PPP2R5E: variants seen among roughly 807,000 people sequenced by gnomAD.
PPP2R5E encodes serine/threonine-protein phosphatase 2A 56 kDa regulatory subunit epsilon isoform.
Under a neutral mutation model 65.3 loss-of-function variants are expected in PPP2R5E, and 4 were observed. The ratio of observed to expected loss-of-function variants is 0.06; its 90% CI spans 0.03 to 0.14. The LOEUF (loss-of-function observed/expected upper bound fraction) is 0.14. Among genes scored for constraint, PPP2R5E ranks in the 10% least tolerant of loss-of-function variants. The pLI, the probability that PPP2R5E is intolerant of heterozygous loss-of-function variation, is 1.00. For missense variants in PPP2R5E, 274 were observed against 556.1 expected (o/e 0.49, Z 5.10); for synonymous variants, 183 against 187.4 (o/e 0.98, Z 0.19).
intron 2 of PPP2R5E, among the ~76,000 whole-genome samples, chr14:63,496,568 A>G (rs181826553): frequency 3.7e-4 from 56 of 152,242 alleles, no homozygotes; most frequent in African/African-American, 1.3e-3. Context: ...CTAAGAACAT[A>G]TACAGAGGGA....
At chr14:63,425,000 C>T (rs987874241) in intron 3 of PPP2R5E, among the ~76,000 whole-genome samples, 6 of 152,216 alleles carry the variant, frequency 3.9e-5, no homozygotes, top group South Asian at 4.2e-4. Flanking sequence ...TACACTATTA[C>T]GATCCCTGAT....
intron 2 of PPP2R5E, among the ~76,000 whole-genome samples, chr14:63,490,878 A>G (rs1036856542): frequency 6.6e-6 from 1 of 152,122 alleles, no homozygotes; most frequent in African/African-American, 2.4e-5. Flanking sequence ...CAATTCCATT[A>G]CCGGATATAT....
chr14:63,506,925 A>C (rs1457340063), intron 2 of PPP2R5E, among the ~76,000 whole-genome samples: 1 of 152,266 alleles, frequency 6.6e-6, no homozygotes, highest in African/African-American at 2.4e-5. Context: ...TGGATTTTTA[A>C]AATGTGGCAC....
chr14:63,379,826 C>CTCTCTCTCTTTTTTTTT (rs528081976), intron 13 of PPP2R5E, among the ~76,000 whole-genome samples: 2 of 100,300 alleles, frequency 2.0e-5, no homozygotes, highest in South Asian at 3.0e-4. Flanking sequence ...TATTCTCTCT[C>CTCTCTCTCTTTTTTTTT]TTTTTTTTTT....
rs1386431774 is a variant in PPP2R5E at position 63,372,848 on chromosome 14, G to C, written c.*3161C>G. 1 of 152,130 alleles carries C rather than the reference G, an allele frequency of 6.6e-6. No individual in the cohort carries two copies. Among genetic ancestry groups the C allele is most frequent in the East Asian group, 1.9e-4 (1 of 5,198 alleles). 9.4% of individuals were successfully genotyped at this position (152,130 alleles called of 1,614,324 possible). On this transcript the variant is annotated 3_prime_UTR_variant, in exon 14 of 14. Coordinates refer to ENST00000337537, the MANE Select transcript of PPP2R5E (RefSeq NM_006246.5). Reference sequence around the variant, plus strand: ...AAATAAATTAAACCCTTTCATTTAGGCAAACAAGCCCAAGATGAAGGAGCA... The same window carrying C: ...AAATAAATTAAACCCTTTCATTTAGCCAAACAAGCCCAAGATGAAGGAGCA...
At chr14:63,430,393 A>ACATGCATACATACATACATACATG (rs1333941542) in intron 3 of PPP2R5E, among the ~76,000 whole-genome samples, 16 of 139,028 alleles carry the variant, frequency 1.2e-4, no homozygotes, top group African/African-American at 4.4e-4. Flanking sequence ...ATACATACAT[A>ACATGCATACATACATACATACATG]CATACATGCA....
chr14:63,379,177 C>T (rs1399200093), intron 13 of PPP2R5E, among the ~76,000 whole-genome samples: 4 of 151,854 alleles, frequency 2.6e-5, no homozygotes, highest in Admixed American at 6.6e-5. Flanking sequence ...TACAGGCACC[C>T]GCCACCACGC....
At chr14:63,474,112 C>A (rs537616277) in intron 2 of PPP2R5E, among the ~76,000 whole-genome samples, 3 of 152,242 alleles carry the variant, frequency 2.0e-5, no homozygotes, top group Admixed American at 2.0e-4. Context: ...ACATAGGAGG[C>A]AACTGTTACA....
intron 5 of PPP2R5E, among the ~76,000 whole-genome samples, chr14:63,400,234 T>A (rs1040612492): frequency 6.6e-6 from 1 of 152,230 alleles, no homozygotes; most frequent in Non-Finnish European, 1.5e-5. Flanking sequence ...ATACAGTCTT[T>A]GCTTTCTCAG....
chr14:63,536,610 G>A (rs1893674656), intron 2 of PPP2R5E, among the ~76,000 whole-genome samples: 1 of 152,132 alleles, frequency 6.6e-6, no homozygotes, highest in Non-Finnish European at 1.5e-5. Flanking sequence ...GCCTGAAGGT[G>A]GAAGCAACCC....
chr14:63,414,355 T>A (rs1009667622), intron 5 of PPP2R5E, among the ~76,000 whole-genome samples: 2 of 152,170 alleles, frequency 1.3e-5, no homozygotes, highest in Admixed American at 6.5e-5. Flanking sequence ...GTTTTAAATT[T>A]GAAATTCTTC....
At chr14:63,474,225 G>C (rs1163022851) in intron 2 of PPP2R5E, among the ~76,000 whole-genome samples, 1 of 152,154 alleles carries the variant, frequency 6.6e-6, no homozygotes, top group Non-Finnish European at 1.5e-5. Context: ...ACTACTCTGG[G>C]GGGAGAATAC....
intron 3 of PPP2R5E, among the ~76,000 whole-genome samples, chr14:63,427,849 T>G (rs1214286051): frequency 6.6e-6 from 1 of 152,174 alleles, no homozygotes; most frequent in Non-Finnish European, 1.5e-5. Flanking sequence ...GCAAAGAGCT[T>G]GCAAGTTTTT....
chr14:63,493,478 G>GCA (rs1385213444), intron 2 of PPP2R5E, among the ~76,000 whole-genome samples: 1 of 134,540 alleles, frequency 7.4e-6, no homozygotes, highest in African/African-American at 3.1e-5. Flanking sequence ...AAATTACCGC[G>GCA]CGCGCGTGTG....
chr14:63,478,241 T>A (rs969189951), intron 2 of PPP2R5E, among the ~76,000 whole-genome samples: 1 of 152,128 alleles, frequency 6.6e-6, no homozygotes, highest in Non-Finnish European at 1.5e-5. Flanking sequence ...TTGAGAACGG[T>A]GAAACTGAAA....
rs147464236 is a variant in PPP2R5E, at chr14:63,491,817, A to G, written c.158-37932T>C. Among the ~76,000 whole-genome samples the G allele has an allele frequency of 1.7e-3, 252 of 152,300 alleles. 1 individual carries two copies. The highest frequency in any genetic ancestry group is 5.7e-3 in the African/African-American group (237 of 41,586). ...AGCAGAGATTGCACCATTGCACTCCAGTCTGGGTGACAAGAATGAAACTCC... is the reference window on the plus strand; with the variant it reads ...AGCAGAGATTGCACCATTGCACTCCGGTCTGGGTGACAAGAATGAAACTCC... On this transcript the variant is annotated intron_variant, in intron 2 of 13. Coordinates refer to ENST00000337537, the MANE Select transcript of PPP2R5E (RefSeq NM_006246.5).
intron 2 of PPP2R5E, among the ~76,000 whole-genome samples, chr14:63,523,006 G>A (rs1377481749): frequency 1.3e-5 from 2 of 148,150 alleles, no homozygotes; most frequent in Admixed American, 1.3e-4. Flanking sequence ...GGGAGGTGAG[G>A]GGCGCCTCTG....
chr14:63,392,357 G>A (rs542924751), intron 8 of PPP2R5E, among the ~76,000 whole-genome samples: 2 of 152,168 alleles, frequency 1.3e-5, no homozygotes, highest in South Asian at 4.2e-4. Context: ...ACATCTCAGG[G>A]GCTTCCTTTC....
chr14:63,539,696 A>C lies in PPP2R5E; in HGVS notation c.-7-4T>G. The C allele has an allele frequency of 6.2e-7, 1 of 1,611,298 alleles. No homozygotes were observed. Among genetic ancestry groups the C allele is most frequent in the Non-Finnish European group, 8.5e-7 (1 of 1,178,052 alleles). Reference sequence around the variant, plus strand: ...TGGTGCTGAGGACATATCCCTACTGAAGAGAAAGAAGTATCATAAACCCAT... The same window carrying C: ...TGGTGCTGAGGACATATCCCTACTGCAGAGAAAGAAGTATCATAAACCCAT... On this transcript the variant is annotated splice_polypyrimidine_tract_variant and splice_region_variant and intron_variant, in intron 1 of 13. Transcript: ENST00000337537.
Sources: gnomAD v4.1 joint callset for allele counts (sites outside exome capture counted in the v4.1 genomes callset) on GRCh38, gnomAD v4.1.1 for gene constraint, MANE v1.5 for transcripts, NCBI Gene and HGNC (gene_info 2026-07-23, HGNC 2026-07-21) for gene names.